The following ITPR2 variants were observed in gnomAD, a reference collection of about 807,000 sequenced individuals.
ITPR2 encodes inositol 1,4,5-trisphosphate receptor type 2, also known as inositol 1,4,5-trisphosphate-gated calcium channel ITPR2.
In ITPR2, 207 loss-of-function variants were observed where a neutral mutation model predicts 317.1. That is an observed-to-expected ratio of 0.65 (90% CI 0.58 to 0.73). The LOEUF (loss-of-function observed/expected upper bound fraction) is 0.73. Among genes scored for constraint, ITPR2 ranks in the 30% least tolerant of loss-of-function variants. The pLI, the probability that ITPR2 is intolerant of heterozygous loss-of-function variation, is 0.00. For missense variants in ITPR2, 2,613 were observed against 3,284.0 expected (o/e 0.80, Z 4.99); for synonymous variants, 1,156 against 1,149.1 (o/e 1.01, Z -0.12).
At chr12:26,430,226 A>G (rs1247914494) in intron 48 of ITPR2, among the ~76,000 whole-genome samples, 1 of 152,248 alleles carries the variant, frequency 6.6e-6, no homozygotes, top group Non-Finnish European at 1.5e-5. Context: ...TGAAGATTCA[A>G]TGCTAAAAAA....
intron 25 of ITPR2, among the ~76,000 whole-genome samples, chr12:26,621,850 T>A (rs1004907492): frequency 1.3e-5 from 2 of 152,180 alleles, no homozygotes; most frequent in Non-Finnish European, 2.9e-5. Flanking sequence ...CCATAACAGT[T>A]CGTTTTTTTG....
chr12:26,343,506 A>G (rs2136545236), intron 55 of ITPR2, among the ~76,000 whole-genome samples: 1 of 152,352 alleles, frequency 6.6e-6, no homozygotes, highest in East Asian at 1.9e-4. Context: ...TTCACGCCAC[A>G]AAACTGTACA....
rs193150443 is a variant in ITPR2, at chr12:26,461,313, T to C, written c.6342+13983A>G. ...TATGGGACACAGGCAACTTCTCAAC[T>C]GTGAAGATTATAAAAATAATCTACA... On this transcript the variant is annotated intron_variant, in intron 45 of 56. Transcript: ENST00000381340. 6.5e-3 allele frequency among the ~76,000 whole-genome samples: 987 copies of C among 152,252 alleles called. 12 individuals are homozygous for C. The highest frequency in any genetic ancestry group is 0.023 in the African/African-American group (958 of 41,536).
intron 2 of ITPR2, among the ~76,000 whole-genome samples, chr12:26,753,055 G>C (rs760540830): frequency 1.3e-5 from 2 of 152,178 alleles, no homozygotes; most frequent in African/African-American, 4.8e-5. Context: ...CTGGGTAAGT[G>C]GTGGTGGGGT....
intron 37 of ITPR2, among the ~76,000 whole-genome samples, chr12:26,532,965 C>T (rs1452267198): frequency 2.0e-5 from 3 of 152,154 alleles, no homozygotes; most frequent in East Asian, 3.9e-4. Flanking sequence ...GGATTACAGG[C>T]GTGAGCCACC....
chr12:26,829,291 G>C (rs1343044378), intron 1 of ITPR2, among the ~76,000 whole-genome samples: 2 of 151,842 alleles, frequency 1.3e-5, no homozygotes, highest in Non-Finnish European at 2.9e-5. Flanking sequence ...ATATTTTTAT[G>C]CATCATAAAA....
intron 55 of ITPR2, among the ~76,000 whole-genome samples, chr12:26,376,246 G>A (rs572272504): frequency 1.9e-4 from 29 of 152,106 alleles, no homozygotes; most frequent in African/African-American, 5.8e-4. Flanking sequence ...AAAATATCTC[G>A]AAAATGAAAA....
chr12:26,632,319 G>T (rs1946773290), intron 21 of ITPR2, among the ~76,000 whole-genome samples: 1 of 152,176 alleles, frequency 6.6e-6, no homozygotes, highest in Admixed American at 6.5e-5. Context: ...AAGGTGAGCA[G>T]GTTGCTCTAA....
chr12:26,820,521 T>C (rs1950923233), intron 1 of ITPR2, among the ~76,000 whole-genome samples: 1 of 152,032 alleles, frequency 6.6e-6, no homozygotes, highest in African/African-American at 2.4e-5. Context: ...AATAAGATTA[T>C]ATGGAGGAAG....
At chr12:26,638,836 T>C (rs1456679420) in intron 21 of ITPR2, among the ~76,000 whole-genome samples, 3 of 152,020 alleles carry the variant, frequency 2.0e-5, no homozygotes, top group Admixed American at 6.6e-5. Flanking sequence ...CATGGTAAAT[T>C]CAAAATATAA....
At position 26,831,392 on chromosome 12, in the gene ITPR2, C is replaced by T. The variant is rs551465375; in HGVS notation, c.92+1298G>A. ...TCCCAGTGCTTGGTAGGCAGCAGTCCGTTATAACACAGCTCGAAGTCACTG... is the reference window on the plus strand; with the variant it reads ...TCCCAGTGCTTGGTAGGCAGCAGTCTGTTATAACACAGCTCGAAGTCACTG... On this transcript the variant is annotated intron_variant, in intron 1 of 56. Transcript: ENST00000381340. This position sits in a 1 kb window ranked among gnomAD's most constrained non-coding sequence, Gnocchi z 4.9. Among the ~76,000 whole-genome samples, 3 of 152,054 alleles carry T rather than the reference C, an allele frequency of 2.0e-5. No homozygotes were observed. The highest frequency in any genetic ancestry group is 2.9e-5 in the Non-Finnish European group (2 of 68,022).
At chr12:26,541,164 AAAAT>A (rs1236302159) in intron 37 of ITPR2, among the ~76,000 whole-genome samples, 5 of 151,230 alleles carry the variant, frequency 3.3e-5, no homozygotes, top group Admixed American at 1.3e-4. Context: ...AAAAAAAAAA[AAAAT>A]TAGCTGGACA....
chr12:26,621,852 G>A (rs184990093), intron 25 of ITPR2, among the ~76,000 whole-genome samples: 63 of 152,074 alleles, frequency 4.1e-4, no homozygotes, highest in Middle Eastern at 3.4e-3. Flanking sequence ...ATAACAGTTC[G>A]TTTTTTTGGA....
chr12:26,583,386 T>A (rs1194053751), intron 32 of ITPR2, among the ~76,000 whole-genome samples: 3 of 152,236 alleles, frequency 2.0e-5, no homozygotes, highest in African/African-American at 7.2e-5. Context: ...TCTTTTCAAT[T>A]GTCATTTCAT....
intron 54 of ITPR2, among the ~76,000 whole-genome samples, chr12:26,393,379 T>C (rs779337103): frequency 6.6e-6 from 1 of 152,202 alleles, no homozygotes; most frequent in Non-Finnish European, 1.5e-5. Context: ...AGATGAATTA[T>C]ATCATTTGTG....
At chr12:26,344,508 A>G (rs570415042) in intron 55 of ITPR2, among the ~76,000 whole-genome samples, 4 of 152,324 alleles carry the variant, frequency 2.6e-5, no homozygotes, top group Admixed American at 6.5e-5. Flanking sequence ...GCATTTGTAA[A>G]GTTGCCTCCA....
intron 1 of ITPR2, among the ~76,000 whole-genome samples, chr12:26,792,253 GACTTA>G (rs1950353658): frequency 1.3e-5 from 2 of 151,990 alleles, no homozygotes; most frequent in South Asian, 4.2e-4. Flanking sequence ...TCATCCTGAA[GACTTA>G]AAGAATTGGA....
intron 26 of ITPR2, among the ~76,000 whole-genome samples, chr12:26,614,976 T>C (rs1182080691): frequency 6.6e-6 from 1 of 152,218 alleles, no homozygotes; most frequent in Non-Finnish European, 1.5e-5. Context: ...TGTGTCAATA[T>C]TGGCTTATCA....
At chr12:26,479,248 C>T (rs1043382104) in intron 43 of ITPR2, among the ~76,000 whole-genome samples, 1 of 151,042 alleles carries the variant, frequency 6.6e-6, no homozygotes, top group Admixed American at 6.6e-5. Context: ...ATTGTACATA[C>T]TAAAATCAAT....
Sources: allele counts gnomAD v4.1 joint callset (sites outside exome capture counted in the v4.1 genomes callset), GRCh38; gene constraint gnomAD v4.1.1; non-coding constraint Gnocchi (gnomAD v3.1); transcripts MANE v1.5; gene names NCBI Gene and HGNC (gene_info 2026-07-23, HGNC 2026-07-21).